PHEX: variants seen among roughly 807,000 people sequenced by gnomAD.
PHEX encodes phosphate-regulating neutral endopeptidase PHEX.
PHEX carries 16 observed loss-of-function variants against 68.0 expected under a neutral mutation model. The ratio of observed to expected loss-of-function variants is 0.24; its 90% confidence interval spans 0.16 to 0.36. The LOEUF is 0.36. Ranked by LOEUF, PHEX falls within the 10% of genes least tolerant of loss-of-function variation. The pLI, the probability that PHEX is intolerant of heterozygous loss-of-function variation, is 1.00. For synonymous variants in PHEX, 208 were observed against 205.1 expected (o/e 1.01, Z -0.12); for missense variants, 480 against 575.5 (o/e 0.83, Z 1.70).
intron 15 of PHEX, among the ~76,000 whole-genome samples, chrX:22,191,991 A>G (rs1021920908): frequency 1.8e-5 from 2 of 112,221 alleles, no homozygotes; most frequent in African/African-American, 6.5e-5. Flanking sequence ...AATTCTACAC[A>G]TGGTTTGGAG....
chrX:22,098,920 A>T, intron 8 of PHEX, 86 bp from the exon 9 acceptor site: 2 of 869,499 alleles, frequency 2.3e-6, no homozygotes, highest in Non-Finnish European at 3.4e-6. Context: ...AAAAGAAATG[A>T]ATGATGCTCA....
In PHEX at chrX:22,244,433, T is replaced by TA. The variant is rs11311631; in HGVS notation, c.2071-889dup. ...ATGTACCCCAGAATTTAAAGTATAA[T>TA]AAAAAAAAAAATACAAAAATTAGCT... is the stretch of plus-strand genomic sequence containing the variant. On this transcript the variant is annotated intron_variant, in intron 20 of 21. Transcript: ENST00000379374. Among the ~76,000 whole-genome samples the TA allele has an allele frequency of 1.1e-3, 112 of 103,821 alleles. 2 individuals carry two copies. In the South Asian group the frequency reaches 0.03, roughly 28 times the overall value. The allele number at this position is 103,821 out of a possible 115,157, so 90.2% of individuals were successfully genotyped here. A position where few individuals can be genotyped will look rare whatever the true frequency, so the allele number is the denominator to read the frequency against.
At position 22,249,441 on chromosome X, in the gene PHEX, T is replaced by TAAAA. The variant is rs1569099789; in HGVS notation, c.*1488_*1489insAAAA. 1.4e-4 allele frequency: 4 copies of TAAAA among 28,267 alleles called. No homozygotes were observed. Among genetic ancestry groups the TAAAA allele is most frequent in the African/African-American group, 2.2e-4 (1 of 4,572 alleles). 2.3% of individuals were successfully genotyped at this position (28,267 alleles called of 1,213,427 possible). A position where few individuals can be genotyped will look rare whatever the true frequency, so the allele number is the denominator to read the frequency against. ...TGTGTCCCTGTGATTTGTGATTCTT[T>TAAAA]TAAAAAAAAAAAAAATATATATATA... On this transcript the variant is annotated 3_prime_UTR_variant, in exon 22 of 22. Coordinates refer to ENST00000379374, the MANE Select transcript of PHEX (RefSeq NM_000444.6).
At chrX:22,150,797 T>C (rs750496991) in intron 12 of PHEX, among the ~76,000 whole-genome samples, 1 of 112,428 alleles carries the variant, frequency 8.9e-6, no homozygotes, top group East Asian at 2.8e-4. Flanking sequence ...GATGAATAAT[T>C]GATGATGACA....
chrX:22,245,468 C>G (rs749589120), intron 21 of PHEX, 59 bp downstream of exon 21: 220 of 782,005 alleles, frequency 2.8e-4, no homozygotes, highest in Non-Finnish European at 3.8e-4. Flanking sequence ...CTTCCTCCCC[C>G]ACCCAGCCAT....
intron 3 of PHEX, among the ~76,000 whole-genome samples, chrX:22,056,200 C>T (rs1219567032): frequency 8.9e-5 from 10 of 112,133 alleles, no homozygotes; most frequent in African/African-American, 3.2e-4. Context: ...TAATTGCTTT[C>T]AATCGTAAGT....
intron 11 of PHEX, among the ~76,000 whole-genome samples, chrX:22,128,229 C>A (rs1569403752): frequency 1.9e-5 from 2 of 107,744 alleles, no homozygotes; most frequent in African/African-American, 6.8e-5. Context: ...TGGCTAATTT[C>A]TTTTTTTGTA....
At chrX:22,221,213 G>C (rs1356280618) in intron 17 of PHEX, among the ~76,000 whole-genome samples, 2 of 111,596 alleles carry the variant, frequency 1.8e-5, no homozygotes, top group African/African-American at 6.5e-5. Context: ...TATTCCTATG[G>C]ATCATTTGGA....
At chrX:22,206,436 TA>T (rs1334691013) in intron 15 of PHEX, among the ~76,000 whole-genome samples, 1 of 111,641 alleles carries the variant, frequency 9.0e-6, no homozygotes, top group Non-Finnish European at 1.9e-5. Context: ...TAAAGAATAG[TA>T]AAAAATAAAA....
chrX:22,204,766 A>G (rs768829314), intron 15 of PHEX, among the ~76,000 whole-genome samples: 1 of 112,316 alleles, frequency 8.9e-6, no homozygotes, highest in East Asian at 2.8e-4. Context: ...CAGGACAAGT[A>G]AAATAATCAA....
Position 22,185,756 on chromosome X carries a change from G to GTTTTTTTTTTTTTTTTTT in PHEX, c.1587-4671_1587-4670insTTTTTTTTTTTTTTTTTT, listed in dbSNP as rs3085228. Reference sequence around the variant, plus strand: ...CTCAGCTGCATGGTTCTCGTTTGTGGTTTTTTTTTTTTTTTTTGGACACAG... The same window carrying GTTTTTTTTTTTTTTTTTT: ...CTCAGCTGCATGGTTCTCGTTTGTGGTTTTTTTTTTTTTTTTTTTTTTTTTTTTTTTTTTTGGACACAG... On this transcript the variant is annotated intron_variant, in intron 14 of 21. Coordinates refer to ENST00000379374, the MANE Select transcript of PHEX (RefSeq NM_000444.6). 1.5e-3 allele frequency among the ~76,000 whole-genome samples: 135 copies of GTTTTTTTTTTTTTTTTTT among 87,744 alleles called. 11 individuals carry two copies. The highest frequency in any genetic ancestry group is 6.5e-3 in the African/African-American group (130 of 19,918). The allele number at this position is 87,744 out of a possible 115,157, so 76.2% of individuals were successfully genotyped here.
chrX:22,092,804 C>T, intron 6 of PHEX, among the ~76,000 whole-genome samples: 1 of 91,330 alleles, frequency 1.1e-5, no homozygotes. Context: ...GGCTGGAATG[C>T]AGTGGCATAA....
chrX:22,034,891 T>C (rs147755037), intron 1 of PHEX, among the ~76,000 whole-genome samples: 4,484 of 111,465 alleles, frequency 0.04, 74 homozygotes, highest in Non-Finnish European at 0.059. Flanking sequence ...GACACTTCTT[T>C]TTGTCAAATA....
intron 12 of PHEX, among the ~76,000 whole-genome samples, chrX:22,152,732 G>T (rs1032236877): frequency 1.8e-5 from 2 of 111,869 alleles, no homozygotes; most frequent in Non-Finnish European, 3.8e-5. Context: ...AGGTGGAAGG[G>T]TTATTCACTG....
intron 5 of PHEX, among the ~76,000 whole-genome samples, chrX:22,082,954 A>G (rs1323094005): frequency 2.7e-5 from 3 of 112,128 alleles, no homozygotes; most frequent in African/African-American, 6.5e-5. Context: ...CCGATTTCAA[A>G]CTATAGTATA....
chrX:22,092,098 G>A (rs1196446115), intron 6 of PHEX, among the ~76,000 whole-genome samples: 3 of 111,686 alleles, frequency 2.7e-5, no homozygotes, highest in Non-Finnish European at 3.8e-5. Context: ...ACCCTTCACT[G>A]CGTTGGAACC....
At chrX:22,154,713 A>T (rs1932913359) in intron 12 of PHEX, among the ~76,000 whole-genome samples, 1 of 111,680 alleles carries the variant, frequency 9.0e-6, no homozygotes, top group African/African-American at 3.3e-5. Flanking sequence ...GAAGCATTCT[A>T]ACTCAAGAGA....
At chrX:22,187,481 G>A (rs1934066580) in intron 14 of PHEX, among the ~76,000 whole-genome samples, 1 of 111,788 alleles carries the variant, frequency 8.9e-6, no homozygotes, top group Non-Finnish European at 1.9e-5. Flanking sequence ...AAACAAGGTT[G>A]TCTGCTTTTA....
At position 22,093,539 on chromosome X, in the gene PHEX, T is replaced by C. The variant is rs1196334576; in HGVS notation, c.733-444T>C. On this transcript the variant is annotated intron_variant, in intron 6 of 21. Coordinates refer to ENST00000379374, the MANE Select transcript of PHEX (RefSeq NM_000444.6). ...TTAGTGTGAAGGTGGGTAAATTGAGTTGCAAGAGAATAAATCACACCTCCC... is the reference window on the plus strand; with the variant it reads ...TTAGTGTGAAGGTGGGTAAATTGAGCTGCAAGAGAATAAATCACACCTCCC... Among the ~76,000 whole-genome samples, 9 of 111,675 alleles carry C rather than the reference T, an allele frequency of 8.1e-5. No homozygotes were observed. In the Admixed American group the frequency reaches 8.5e-4, roughly 11 times the overall value.
Sources: allele counts gnomAD v4.1 joint callset (sites outside exome capture counted in the v4.1 genomes callset), GRCh38; gene constraint gnomAD v4.1.1; transcripts MANE v1.5; gene names NCBI Gene and HGNC (gene_info 2026-07-23, HGNC 2026-07-21).